The following ZSWIM6 variants were observed in gnomAD, a reference collection of about 807,000 sequenced individuals.
The protein encoded by ZSWIM6 is zinc finger SWIM domain-containing protein 6.
ZSWIM6 carries 9 observed loss-of-function variants against 113.2 expected under a neutral mutation model. That is an observed-to-expected ratio of 0.08 (90% CI 0.05 to 0.14). ZSWIM6 has a LOEUF of 0.14. Among genes scored for constraint, ZSWIM6 ranks in the 10% least tolerant of loss-of-function variants. The probability of loss-of-function intolerance (pLI) is 1.00; values close to 1 mark genes in which losing one functional copy is unlikely to be tolerated. For missense variants in ZSWIM6, 1,162 were observed against 1,552.2 expected, an observed-to-expected ratio of 0.75 and a Z score of 4.22; for synonymous variants, 611 against 606.5, an observed-to-expected ratio of 1.01 and a Z score of -0.11.
intron 1 of ZSWIM6, among the ~76,000 whole-genome samples, chr5:61,408,981 G>T (rs1175596243): frequency 6.6e-6 from 1 of 151,934 alleles, no homozygotes; most frequent in African/African-American, 2.4e-5. Flanking sequence ...TGACTGACCC[G>T]ACCGCGCAGA....
Position 61,517,945 on chromosome 5 carries a change from C to G in ZSWIM6, c.1334-3318C>G, listed in dbSNP as rs13158857. ...TATCTCCAAATGCTATCCCTCCCCC[C>G]ACCCCACAACAGTCCCCAGAGTGTG... is the stretch of plus-strand genomic sequence containing the variant. On this transcript the variant is annotated intron_variant, in intron 4 of 13. Transcript: ENST00000252744. Among the ~76,000 whole-genome samples, 108 of 103,136 alleles carry G rather than the reference C, an allele frequency of 1.0e-3. 1 individual carries two copies. Among genetic ancestry groups the G allele is most frequent in the Non-Finnish European group, 1.7e-3 (91 of 54,034 alleles). The allele number at this position is 103,136 out of a possible 152,430, so 67.7% of individuals were successfully genotyped here.
chr5:61,409,343 A>T (rs1746109574), intron 1 of ZSWIM6, among the ~76,000 whole-genome samples: 1 of 152,128 alleles, frequency 6.6e-6, no homozygotes, highest in Non-Finnish European at 1.5e-5. Flanking sequence ...TCATTTCAGA[A>T]TTGCTACCAG....
intron 1 of ZSWIM6, among the ~76,000 whole-genome samples, chr5:61,421,553 G>T (rs1442996202): frequency 6.6e-6 from 1 of 152,080 alleles, no homozygotes; most frequent in Non-Finnish European, 1.5e-5. Flanking sequence ...TCATGTCATG[G>T]GGGTTTGTTG....
At chr5:61,374,348 T>A (rs1745324584) in intron 1 of ZSWIM6, among the ~76,000 whole-genome samples, 1 of 152,188 alleles carries the variant, frequency 6.6e-6, no homozygotes, top group Non-Finnish European at 1.5e-5. Context: ...ATCTGCTATT[T>A]TAACAGTACT....
chr5:61,378,792 G>A (rs1745421895), intron 1 of ZSWIM6, among the ~76,000 whole-genome samples: 1 of 151,958 alleles, frequency 6.6e-6, no homozygotes, highest in South Asian at 2.1e-4. Flanking sequence ...CTGACCTCAG[G>A]TGATCTGCCC....
At chr5:61,426,064 G>A (rs1370663032) in intron 1 of ZSWIM6, among the ~76,000 whole-genome samples, 1 of 152,126 alleles carries the variant, frequency 6.6e-6, no homozygotes, top group African/African-American at 2.4e-5. Context: ...CTCAGCTATG[G>A]AAACCTGGAG....
At chr5:61,336,423 C>T (rs754854172) in intron 1 of ZSWIM6, among the ~76,000 whole-genome samples, 1 of 152,000 alleles carries the variant, frequency 6.6e-6, no homozygotes, top group Non-Finnish European at 1.5e-5. Flanking sequence ...CCTGGTATGA[C>T]CTGAAACTCA....
intron 3 of ZSWIM6, 41 bp from the exon 4 acceptor site, chr5:61,494,219 C>T (rs1480316272): frequency 7.1e-6 from 11 of 1,539,864 alleles, no homozygotes; most frequent in South Asian, 3.6e-5. Context: ...GTTGTGTTTT[C>T]GTTTTGAACA....
Position 61,407,008 on chromosome 5 carries a change from C to T in ZSWIM6, c.677-65673C>T, listed in dbSNP as rs141276270. Reference sequence around the variant, plus strand: ...GATTACAGGCGTGAGCCATTGCACCCGGCCTCTCAGAAATCTTAAAAAGGA... The same window carrying T: ...GATTACAGGCGTGAGCCATTGCACCTGGCCTCTCAGAAATCTTAAAAAGGA... On this transcript the variant is annotated intron_variant, in intron 1 of 13. Transcript: ENST00000252744. Among the ~76,000 whole-genome samples the T allele has an allele frequency of 5.3e-4, 81 of 152,266 alleles. 1 individual carries two copies. Among genetic ancestry groups the T allele is most frequent in the African/African-American group, 1.8e-3 (75 of 41,532 alleles).
chr5:61,391,708 T>C, intron 1 of ZSWIM6: 1 of 1,144,750 alleles, frequency 8.7e-7, no homozygotes, highest in African/African-American at 1.5e-5. Flanking sequence ...CCGCATGATG[T>C]TGGTCATGCC....
intron 1 of ZSWIM6, among the ~76,000 whole-genome samples, chr5:61,443,323 C>A (rs1746876821): frequency 6.6e-6 from 1 of 152,094 alleles, no homozygotes; most frequent in Non-Finnish European, 1.5e-5. Context: ...ATTATAACAA[C>A]CTAAATGAAG....
chr5:61,375,521 A>C, intron 1 of ZSWIM6: 1 of 1,553,286 alleles, frequency 6.4e-7, no homozygotes, highest in Non-Finnish European at 8.7e-7. Flanking sequence ...AAAAAGAAGA[A>C]CCGTTCACAT....
chr5:61,509,907 A>G (rs1489549192), intron 4 of ZSWIM6, among the ~76,000 whole-genome samples: 2 of 152,076 alleles, frequency 1.3e-5, no homozygotes, highest in Admixed American at 6.6e-5. Flanking sequence ...GAGCACTCCA[A>G]TTCTGTTTTA....
At chr5:61,494,150 A>ACT in intron 3 of ZSWIM6, 110 bp from the exon 4 acceptor site, 1 of 1,087,156 alleles carries the variant, frequency 9.2e-7, no homozygotes, top group Non-Finnish European at 1.3e-6. Context: ...ACACACGGAG[A>ACT]GAGAGAGAGA....
At chr5:61,487,723 A>C (rs886947610) in intron 2 of ZSWIM6, among the ~76,000 whole-genome samples, 1 of 152,024 alleles carries the variant, frequency 6.6e-6, no homozygotes, top group Non-Finnish European at 1.5e-5. Context: ...TTGTATGTTG[A>C]TTTTGCATCC....
intron 1 of ZSWIM6, among the ~76,000 whole-genome samples, chr5:61,394,713 G>A (rs549005228): frequency 1.3e-5 from 2 of 152,320 alleles, no homozygotes; most frequent in Non-Finnish European, 2.9e-5. Flanking sequence ...GGCAAATACT[G>A]TTAGGAGGGC....
rs183955525 is a variant in ZSWIM6, at chr5:61,347,908, G to T, written c.676+14960G>T. Among the ~76,000 whole-genome samples, 12 of 152,242 alleles carry T rather than the reference G, an allele frequency of 7.9e-5. No homozygotes were observed. The East Asian group carries it at 2.3e-3, about 29-fold the overall frequency. On this transcript the variant is annotated intron_variant, in intron 1 of 13. Transcript: ENST00000252744. Reference sequence around the variant, plus strand: ...GAAACCAAGTTGATGTTAAGCATGTGATCTTTTTGAATTAAAAAAAAGCAA... The same window carrying T: ...GAAACCAAGTTGATGTTAAGCATGTTATCTTTTTGAATTAAAAAAAAGCAA...
intron 9 of ZSWIM6, among the ~76,000 whole-genome samples, chr5:61,534,998 C>G (rs1236109649): frequency 6.6e-6 from 1 of 152,100 alleles, no homozygotes; most frequent in African/African-American, 2.4e-5. Flanking sequence ...CAGAATCCTC[C>G]CACACCTCTC....
At chr5:61,503,299 T>C (rs1748522549) in intron 4 of ZSWIM6, among the ~76,000 whole-genome samples, 1 of 152,192 alleles carries the variant, frequency 6.6e-6, no homozygotes, top group Non-Finnish European at 1.5e-5. Flanking sequence ...ATACTAGTTG[T>C]CTGAAAAATG....
Sources: gnomAD v4.1 joint callset for allele counts (sites outside exome capture counted in the v4.1 genomes callset) on GRCh38, gnomAD v4.1.1 for gene constraint, MANE v1.5 for transcripts, NCBI Gene and HGNC (gene_info 2026-07-23, HGNC 2026-07-21) for gene names.